FAM151A: variants seen among roughly 807,000 people sequenced by gnomAD.
FAM151A encodes the protein protein FAM151A.
FAM151A carries 41 observed loss-of-function variants against 40.4 expected under a neutral mutation model. That is an observed-to-expected ratio of 1.01 (90% confidence interval 0.79 to 1.32). FAM151A has a LOEUF of 1.32. Ranked by LOEUF, FAM151A falls within the 40% of genes most tolerant of loss-of-function variation. The probability of loss-of-function intolerance (pLI) is 0.00; values close to 1 mark genes in which losing one functional copy is unlikely to be tolerated. For synonymous variants in FAM151A, 337 were observed against 312.5 expected (o/e 1.08, Z -0.83); for missense variants, 740 against 740.4 (o/e 1.00, Z 0.01).
At position 54,609,673 on chromosome 1, in the gene FAM151A, A is replaced by T; in HGVS notation, c.1353T>A (p.Ser451Arg). Residue 451 changes from serine (S) to arginine (R), a missense_variant, in exon 8 of 8, where the codon AGT (serine) becomes AGA (arginine). Ser to Arg is a moderately radical substitution (Grantham distance 110). Transcript: ENST00000302250. Reference sequence around the variant, plus strand: ...CAGCCACATGGCCGGGGACCGAAAAACTCCCGTGGGAGATTTTGGCCCCAA... The same window carrying T: ...CAGCCACATGGCCGGGGACCGAAAATCTCCCGTGGGAGATTTTGGCCCCAA... ...VWVGAKISHG[S>R]FSVPGHVAGR... The T allele has an allele frequency of 8.7e-6, 14 of 1,613,212 alleles. No individual in the cohort carries two copies. Among genetic ancestry groups the T allele is most frequent in the Non-Finnish European group, 1.1e-5 (13 of 1,179,904 alleles).
Position 54,623,319 on chromosome 1 carries a change from A to T in FAM151A, c.77T>A (p.Val26Asp). 1 of 1,614,000 alleles carries T rather than the reference A, an allele frequency of 6.2e-7. No individual in the cohort carries two copies. The highest frequency in any genetic ancestry group is 2.2e-5 in the East Asian group (1 of 44,864). ...FAGITCVSVV[V>D]IAAIVLAITL... Reference sequence around the variant, plus strand: ...GATGGCAAGGACTATTGCGGCAATGACCACCACAGACACACAGGTAATGCC... The same window carrying T: ...GATGGCAAGGACTATTGCGGCAATGTCCACCACAGACACACAGGTAATGCC... The change falls in exon 1 of 8, where the codon GTC becomes GAC. Residue 26 changes from valine (V) to aspartate (D), a missense_variant. Val to Asp is a radical substitution (Grantham distance 152). Coordinates refer to ENST00000302250, the MANE Select transcript of FAM151A (RefSeq NM_176782.3).
At chr1:54,615,372 T>C (rs1306528843) in intron 3 of FAM151A, among the ~76,000 whole-genome samples, 1 of 152,174 alleles carries the variant, frequency 6.6e-6, no homozygotes, top group Admixed American at 6.5e-5. Flanking sequence ...ATCACACTTT[T>C]TCCTGAGGAC....
At position 54,609,421 on chromosome 1, in the gene FAM151A, G is replaced by A; in HGVS notation, c.1605C>T (p.Ala535=). The A allele has an allele frequency of 1.2e-6, 2 of 1,613,952 alleles. No homozygotes were observed. The highest frequency in any genetic ancestry group is 1.7e-6 in the Non-Finnish European group (2 of 1,180,022). ...CTGGGTTGTGCTCCACTGTGACGGTGGCCCGGGGGGAGGATGCCAGCAGCC... is the reference window on the plus strand; with the variant it reads ...CTGGGTTGTGCTCCACTGTGACGGTAGCCCGGGGGGAGGATGCCAGCAGCC... ...IGRLLASSPR[A]TVTVEHNPAG... is the part of the protein sequence containing the mutation. Residue 535 remains alanine, a synonymous_variant, in exon 8 of 8, where the codon GCC becomes GCT. Coordinates refer to ENST00000302250, the MANE Select transcript of FAM151A (RefSeq NM_176782.3).
chr1:54,614,015 G>A (rs1237191757), intron 4 of FAM151A, among the ~76,000 whole-genome samples: 5 of 152,128 alleles, frequency 3.3e-5, no homozygotes, highest in African/African-American at 7.2e-5. Context: ...AGAGTTAAAC[G>A]GTGTTCTGCA....
rs139191993 is a variant in FAM151A, at chr1:54,610,416, G to A, written c.1080C>T (p.Leu360=). The A allele has an allele frequency of 3.2e-5, 52 of 1,613,228 alleles. 1 individual carries two copies. The African/African-American group carries it at 4.5e-4, about 14-fold the overall frequency. Residue 360 remains leucine (L), a synonymous_variant, in exon 7 of 8, where the codon CTC becomes CTT. Transcript: ENST00000302250. ...GGGCTGAAGGGTAGACCTTACCTGG[G>A]AGGGTCATTGTTGCTGTTTTACCGC... ...QGSGKTATMT[L]PDTEGMILLN...
At chr1:54,611,780 G>A (rs759334822) in intron 5 of FAM151A, 35 bp from the exon 6 acceptor site, 23 of 1,612,196 alleles carry the variant, frequency 1.4e-5, no homozygotes, top group African/African-American at 2.7e-5. Flanking sequence ...TGCCTGTCTG[G>A]GCCCAGCAAG....
chr1:54,620,142 A>C, intron 1 of FAM151A, 135 bp from the exon 2 acceptor site: 1 of 914,250 alleles, frequency 1.1e-6, no homozygotes, highest in Non-Finnish European at 1.6e-6. Context: ...TGAGGCTCAG[A>C]CTCACTGGTG....
Position 54,619,606 on chromosome 1 carries a change from G to A in FAM151A, c.262+258C>T, listed in dbSNP as rs148165622. Among the ~76,000 whole-genome samples, 498 of 152,334 alleles carry A rather than the reference G, an allele frequency of 3.3e-3. 4 individuals are homozygous for A. Among genetic ancestry groups the A allele is most frequent in the African/African-American group, 0.012 (480 of 41,576 alleles). On this transcript the variant is annotated intron_variant, in intron 2 of 7. Coordinates refer to ENST00000302250, the MANE Select transcript of FAM151A (RefSeq NM_176782.3). Reference sequence around the variant, plus strand: ...ACAGTTTGGTCCCTGACAGGTCGAGGAAGGGGTAGCTGGGAGGGAGGACAG... The same window carrying A: ...ACAGTTTGGTCCCTGACAGGTCGAGAAAGGGGTAGCTGGGAGGGAGGACAG...
In FAM151A at chr1:54,616,083, TG is replaced by T. The variant is rs749953492; in HGVS notation, c.351del (p.Thr118LeufsTer43). The T allele has an allele frequency of 9.9e-6, 16 of 1,613,970 alleles. No homozygotes were observed. The highest frequency in any genetic ancestry group is 8.9e-5 in the East Asian group (4 of 44,860). ...ETGVPIMAHP[P>X]TIYSDNTLEQ... The stretch of plus-strand genomic sequence containing the variant: ...TCCAGTGTGTTGTCACTGTAGATAG[TG>T]GGGGGGTGTGCCATGATGGGAACTC... On this transcript the variant is annotated frameshift_variant, in exon 3 of 8. Coordinates refer to ENST00000302250, the MANE Select transcript of FAM151A (RefSeq NM_176782.3). LOFTEE classifies it high-confidence loss of function.
At chr1:54,610,290 T>G in intron 7 of FAM151A, 122 bp downstream of exon 7, 1 of 1,515,526 alleles carries the variant, frequency 6.6e-7, no homozygotes, top group Non-Finnish European at 8.8e-7. Flanking sequence ...CCACCTTGCA[T>G]CCAGGGTATG....
Position 54,610,296 on chromosome 1 carries a change from G to T in FAM151A, c.1084+116C>A, listed in dbSNP as rs551035721. 90 of 1,525,822 alleles carry T rather than the reference G, an allele frequency of 5.9e-5. 1 individual carries two copies. The South Asian group carries it at 1.1e-3, about 19-fold the overall frequency. The allele number at this position is 1,525,822 out of a possible 1,614,324, so 94.5% of individuals were successfully genotyped here. A position where few individuals can be genotyped will look rare whatever the true frequency, so the allele number is the denominator to read the frequency against. On this transcript the variant is annotated intron_variant, in intron 7 of 7. Coordinates refer to ENST00000302250, the MANE Select transcript of FAM151A (RefSeq NM_176782.3). ...AACCCTGCCCCACCTTGCATCCAGG[G>T]TATGGTGTAAATAAACCTGTGTTGC... is the stretch of plus-strand genomic sequence containing the variant.
chr1:54,615,471 TGGTAGTCAA>T (rs1222315932), intron 3 of FAM151A, among the ~76,000 whole-genome samples: 2 of 151,888 alleles, frequency 1.3e-5, no homozygotes, highest in African/African-American at 4.8e-5. Context: ...TGTGTGGTCA[TGGTAGTCAA>T]GGGAAGCCTG....
At chr1:54,617,055 G>T (rs1464721212) in intron 2 of FAM151A, among the ~76,000 whole-genome samples, 1 of 152,202 alleles carries the variant, frequency 6.6e-6, no homozygotes, top group African/African-American at 2.4e-5. Context: ...CGGAAAAGTT[G>T]TTCTGATTCT....
At chr1:54,610,173 C>A in intron 7 of FAM151A, 1 of 1,432,846 alleles carries the variant, frequency 7.0e-7, no homozygotes, top group Non-Finnish European at 9.1e-7. Flanking sequence ...AGCCTGGGGG[C>A]TGGTGCCGGC....
At position 54,609,398 on chromosome 1, in the gene FAM151A, G is replaced by T. The variant is rs1159144672; in HGVS notation, c.1628C>A (p.Pro543Gln). Reference protein sequence around the residue: ...PRATVTVEHNPAGGDYASVRT... With the variant: ...PRATVTVEHNQAGGDYASVRT... The stretch of plus-strand genomic sequence containing the variant: ...CACAGAGGCATAGTCGCCCCCAGCT[G>T]GGTTGTGCTCCACTGTGACGGTGGC... Residue 543 changes from proline (P) to glutamine (Q), a missense_variant, in exon 8 of 8, where the codon CCA becomes CAA. Coordinates refer to ENST00000302250, the MANE Select transcript of FAM151A (RefSeq NM_176782.3). The T allele has an allele frequency of 1.9e-6, 3 of 1,614,000 alleles. No individual in the cohort carries two copies. The highest frequency in any genetic ancestry group is 2.5e-6 in the Non-Finnish European group (3 of 1,180,042).
chr1:54,623,206 TA>T, intron 1 of FAM151A, 71 bp downstream of exon 1: 1 of 988,676 alleles, frequency 1.0e-6, no homozygotes. Flanking sequence ...GTCAGAGCTG[TA>T]AGTGAGAAGT....
intron 2 of FAM151A, among the ~76,000 whole-genome samples, chr1:54,619,074 A>G (rs1309088595): frequency 6.6e-6 from 1 of 152,116 alleles, no homozygotes; most frequent in Non-Finnish European, 1.5e-5. Flanking sequence ...CTTGTCTGAA[A>G]TGGAAGGAGT....
chr1:54,622,202 G>T (rs990834472), intron 1 of FAM151A, among the ~76,000 whole-genome samples: 2 of 150,724 alleles, frequency 1.3e-5, no homozygotes, highest in Non-Finnish European at 2.9e-5. Context: ...CTTGAGCCCA[G>T]GGGGTGGAGG....
At chr1:54,615,803 C>T (rs1404346228) in intron 3 of FAM151A, among the ~76,000 whole-genome samples, 1 of 152,220 alleles carries the variant, frequency 6.6e-6, no homozygotes, top group Non-Finnish European at 1.5e-5. Flanking sequence ...TGTCTCCCCT[C>T]TGTGTCCAGG....
Sources: allele counts gnomAD v4.1 joint callset (sites outside exome capture counted in the v4.1 genomes callset), GRCh38; gene constraint gnomAD v4.1.1; transcripts MANE v1.5; gene names NCBI Gene and HGNC (gene_info 2026-07-23, HGNC 2026-07-21).